Variants in DNAH10 observed in about 807,000 individuals in gnomAD.
DNAH10 encodes the protein dynein axonemal heavy chain 10.
A neutral mutation model predicts 506.6 loss-of-function variants in DNAH10; 348 were observed. That is an observed-to-expected ratio of 0.69 (90% confidence interval 0.63 to 0.75). DNAH10 has a LOEUF of 0.75. DNAH10 is among the 30% of genes least tolerant of loss of function. The pLI, the probability that DNAH10 is intolerant of heterozygous loss-of-function variation, is 0.00. For missense variants in DNAH10, 5,179 were observed against 5,787.1 expected, an observed-to-expected ratio of 0.89 and a Z score of 3.41; for synonymous variants, 2,059 against 2,198.6, an observed-to-expected ratio of 0.94 and a Z score of 1.78.
In DNAH10 at chr12:123,873,578, C is replaced by T. The variant is rs562836463; in HGVS notation, c.7806C>T (p.Phe2602=). ...TTCAGATTGTGTTAATGGTCAACTT[C>T]TCCTCCCGCACCACGTCCATGGATA... ...EETNIVLMVN[F]SSRTTSMDIQ... The change falls in exon 46 of 79, where the codon TTC becomes TTT. Residue 2602 remains phenylalanine, a synonymous_variant. Transcript: ENST00000673944. 3 of 1,612,490 alleles carry T rather than the reference C, an allele frequency of 1.9e-6. No individual in the cohort carries two copies. The highest frequency in any genetic ancestry group is 2.7e-5 in the African/African-American group (2 of 74,948).
chr12:123,782,480 G>A (rs1957701951), intron 6 of DNAH10, among the ~76,000 whole-genome samples: 1 of 137,266 alleles, frequency 7.3e-6, no homozygotes, highest in African/African-American at 2.8e-5. Context: ...CACAAACATA[G>A]CTCACTGCAG....
At chr12:123,859,096 C>T in intron 37 of DNAH10, 54 bp from the exon 38 acceptor site, 1 of 1,500,614 alleles carries the variant, frequency 6.7e-7, no homozygotes, top group Non-Finnish European at 9.1e-7. Flanking sequence ...CGCAATAAAA[C>T]TGCGTCAGAA....
Position 123,929,726 on chromosome 12 carries a change from C to T in DNAH10, c.12579C>T (p.Ile4193=). The T allele has an allele frequency of 6.2e-7, 1 of 1,613,418 alleles. No individual in the cohort carries two copies. The highest frequency in any genetic ancestry group is 8.5e-7 in the Non-Finnish European group (1 of 1,179,692). Residue 4193 remains isoleucine (I), a synonymous_variant, in exon 72 of 79, where the codon ATC becomes ATT. Coordinates refer to ENST00000673944, the MANE Select transcript of DNAH10 (RefSeq NM_001372106.1). The part of the protein sequence containing the change: ...TKAFQQRDPR[I]PWGSLKYLIG... ...CCTTCCAGCAACGGGACCCAAGGAT[C>T]CCGTGGGGCAGCCTCAAGTACCTAA... is the stretch of plus-strand genomic sequence containing the variant.
At chr12:123,934,099 C>T in intron 77 of DNAH10, 1 of 609,448 alleles carries the variant, frequency 1.6e-6, no homozygotes, top group Non-Finnish European at 3.0e-6. Context: ...GTCTCAGTGG[C>T]AGGGGAGGTG....
intron 72 of DNAH10, 109 bp from the exon 73 acceptor site, chr12:123,930,293 C>A: frequency 9.4e-7 from 1 of 1,069,362 alleles, no homozygotes; most frequent in Non-Finnish European, 1.3e-6. Context: ...CTTGCAGCAG[C>A]CAGGCTGCTG....
rs767133369 is a variant in DNAH10, at chr12:123,784,028, C to T, written c.1081C>T (p.Pro361Ser). The T allele has an allele frequency of 6.2e-7, 1 of 1,614,194 alleles. No homozygotes were observed. The highest frequency in any genetic ancestry group is 8.5e-7 in the Non-Finnish European group (1 of 1,180,040). The change falls in exon 8 of 79, where the codon CCA becomes TCA. Residue 361 changes from proline (P) to serine (S), a missense_variant. Pro to Ser is a moderately conservative substitution (Grantham distance 74, BLOSUM62 -1). Around this residue, in one of 3 missense-constraint regions of DNAH10, gnomAD observed 4,844 missense variants for 5,430.5 expected, o/e 0.89. Transcript: ENST00000673944. ...TGCGCTGCATGAACAAACAAAGCTT[C>T]CAATAGTCAGAAAAGTCTTGGATGT... is the stretch of plus-strand genomic sequence containing the variant. ...LSALHEQTKL[P>S]IVRKVLDVIK... is the part of the protein sequence containing the mutation.
rs1444476667 is a variant in DNAH10 at position 123,808,925 on chromosome 12, G to C, written c.3116G>C (p.Cys1039Ser). 24 of 1,614,054 alleles carry C rather than the reference G, an allele frequency of 1.5e-5. No homozygotes were observed. Among genetic ancestry groups the C allele is most frequent in the Non-Finnish European group, 2.0e-5 (24 of 1,180,048 alleles). ...TNEIDKMCFH[C>S]VRNCVEITKH... The stretch of plus-strand genomic sequence containing the variant: ...GAGATCGACAAGATGTGCTTCCATT[G>C]TGTCCGGAATTGCGTGGAGATCACC... Residue 1039 changes from cysteine to serine, a missense_variant, in exon 19 of 79, where the codon TGT becomes TCT. Cys to Ser is a moderately radical substitution (Grantham distance 112). Coordinates refer to ENST00000673944, the MANE Select transcript of DNAH10 (RefSeq NM_001372106.1).
chr12:123,772,907 A>G lies in DNAH10; in HGVS notation c.470A>G (p.Asp157Gly). 4 of 1,613,168 alleles carry G rather than the reference A, an allele frequency of 2.5e-6. No individual in the cohort carries two copies. The highest frequency in any genetic ancestry group is 2.5e-6 in the Non-Finnish European group (3 of 1,179,558). ...ACCCCTCTTCCCGAGGAGTTCCTGG[A>G]CCAAAACGTGGTGTTTTTCCTCAGA... Reference protein sequence around the residue: ...LCTPLPEEFLDQNVVFFLRNT... With the variant: ...LCTPLPEEFLGQNVVFFLRNT... Residue 157 changes from aspartate to glycine, a missense_variant, in exon 4 of 79, where the codon GAC becomes GGC. Physicochemically the swap from Asp to Gly is moderately conservative, Grantham distance 94. This residue lies in a region of DNAH10 where 326 missense variants were observed against 330.8 expected (regional missense o/e 0.99). Coordinates refer to ENST00000673944, the MANE Select transcript of DNAH10 (RefSeq NM_001372106.1).
rs993127780 is a variant in DNAH10 at position 123,924,500 on chromosome 12, G to A, written c.11766+68G>A. 143 of 1,570,132 alleles carry A rather than the reference G, an allele frequency of 9.1e-5. No individual in the cohort carries two copies. In the African/African-American group the frequency reaches 1.9e-3, roughly 20 times the overall value. The stretch of plus-strand genomic sequence containing the variant: ...TCAACAATCTCCAAACCTCAACTGT[G>A]GCCCAACCCCTTAAGAGAAGACACT... On this transcript the variant is annotated intron_variant, in intron 67 of 78. Coordinates refer to ENST00000673944, the MANE Select transcript of DNAH10 (RefSeq NM_001372106.1).
At chr12:123,887,105 G>A (rs769825717) in intron 51 of DNAH10, 37 bp from the exon 52 acceptor site, 2 of 1,559,078 alleles carry the variant, frequency 1.3e-6, no homozygotes, top group African/African-American at 2.7e-5. Context: ...GGAGGCTGGT[G>A]GTGGTGACGC....
chr12:123,877,005 A>T (rs1952282645), intron 47 of DNAH10, among the ~76,000 whole-genome samples: 1 of 152,224 alleles, frequency 6.6e-6, no homozygotes, highest in Non-Finnish European at 1.5e-5. Flanking sequence ...AGCCATTTTA[A>T]AGTATACAAT....
chr12:123,860,891 G>T (rs1196627815), intron 38 of DNAH10, 121 bp from the exon 39 acceptor site: 1 of 1,291,020 alleles, frequency 7.7e-7, no homozygotes, highest in Admixed American at 1.9e-5. Flanking sequence ...GAGTTTGCAT[G>T]GGTTGCATTT....
intron 30 of DNAH10, among the ~76,000 whole-genome samples, chr12:123,842,455 A>T (rs774351926): frequency 6.6e-6 from 1 of 152,202 alleles, no homozygotes; most frequent in Non-Finnish European, 1.5e-5. Flanking sequence ...TCCCCCGTAA[A>T]GTTGGAGAAT....
chr12:123,930,264 C>T, intron 72 of DNAH10, 138 bp from the exon 73 acceptor site: 2 of 777,446 alleles, frequency 2.6e-6, no homozygotes, highest in Non-Finnish European at 3.8e-6. Context: ...AAAGGTTATG[C>T]AAGTCAACAG....
In DNAH10 at chr12:123,847,873, A is replaced by C. The variant is rs528173481; in HGVS notation, c.5815-88A>C. The C allele has an allele frequency of 8.0e-6, 12 of 1,494,526 alleles. No homozygotes were observed. In the African/African-American group the frequency reaches 1.4e-4, roughly 17 times the overall value. The allele number at this position is 1,494,526 out of a possible 1,614,324, so 92.6% of individuals were successfully genotyped here. On this transcript the variant is annotated intron_variant, in intron 32 of 78. Transcript: ENST00000673944. The stretch of plus-strand genomic sequence containing the variant: ...ACACCACATTCTTTCTCTATTCTGC[A>C]CCTATAGTCACAGTGATGAATTTGG...
At chr12:123,806,536 T>C (rs1159751304) in intron 18 of DNAH10, among the ~76,000 whole-genome samples, 1 of 152,206 alleles carries the variant, frequency 6.6e-6, no homozygotes, top group Non-Finnish European at 1.5e-5. Flanking sequence ...TAAAGTATCT[T>C]TGTGAGCTGC....
At chr12:123,791,722 A>C (rs1958087579) in intron 11 of DNAH10, among the ~76,000 whole-genome samples, 1 of 151,984 alleles carries the variant, frequency 6.6e-6, no homozygotes, top group East Asian at 1.9e-4. Flanking sequence ...GACCACAAGC[A>C]TGTGTCTGGC....
intron 77 of DNAH10, 53 bp downstream of exon 77, chr12:123,933,564 T>G (rs1955320731): frequency 1.2e-5 from 19 of 1,523,208 alleles, no homozygotes; most frequent in Non-Finnish European, 1.6e-5. Context: ...TTTCTCTCCC[T>G]GAACCACCTC....
intron 50 of DNAH10, 74 bp from the exon 51 acceptor site, chr12:123,881,551 G>A (rs1190285381): frequency 2.2e-6 from 3 of 1,363,080 alleles, no homozygotes; most frequent in Non-Finnish European, 2.9e-6. Flanking sequence ...CTGGATATTA[G>A]CCCTTTGTCA....
Sources: allele counts gnomAD v4.1 joint callset (sites outside exome capture counted in the v4.1 genomes callset), GRCh38; gene constraint gnomAD v4.1.1; regional missense constraint gnomAD v4.1.1; transcripts MANE v1.5; gene names NCBI Gene and HGNC (gene_info 2026-07-23, HGNC 2026-07-21).